The following SUGCT variants were observed in gnomAD, a reference collection of about 807,000 sequenced individuals.
SUGCT encodes succinyl-CoA:glutarate CoA-transferase.
In SUGCT, 41 loss-of-function variants were observed where a neutral mutation model predicts 55.0. That is an observed-to-expected ratio of 0.74 (90% CI 0.58 to 0.97). SUGCT has a LOEUF of 0.97. Among genes scored for constraint, SUGCT ranks in the 50% least tolerant of loss-of-function variants. SUGCT has a pLI of 0.00. For missense variants in SUGCT, 568 were observed against 547.8 expected (o/e 1.04, Z -0.37); for synonymous variants, 187 against 200.4 (o/e 0.93, Z 0.56).
At chr7:40,720,342 C>T (rs1020105714) in intron 12 of SUGCT, among the ~76,000 whole-genome samples, 14 of 152,202 alleles carry the variant, frequency 9.2e-5, no homozygotes, top group African/African-American at 2.9e-4. Context: ...ATAAAAATGC[C>T]GCATCTTGGA....
At chr7:40,958,218 G>A in the SUGCT span, among the ~76,000 whole-genome samples, 2 of 152,054 alleles carry the variant, frequency 1.3e-5, no homozygotes, top group Non-Finnish European at 1.5e-5. Flanking sequence ...GTCTTGCTAT[G>A]TTGGGGAGGT....
At chr7:40,165,008 G>C (rs1404303006) in intron 1 of SUGCT, among the ~76,000 whole-genome samples, 1 of 152,082 alleles carries the variant, frequency 6.6e-6, no homozygotes, top group Non-Finnish European at 1.5e-5. Context: ...AGCTTCTTCT[G>C]TGACTTCAGA....
the SUGCT span, among the ~76,000 whole-genome samples, chr7:41,011,911 G>T: frequency 1.4e-3 from 213 of 152,188 alleles, 3 homozygotes; most frequent in Non-Finnish European, 1.9e-4. Context: ...TTACACTGTG[G>T]CTTTAGAGCT....
Position 40,339,919 on chromosome 7 carries a change from T to C in SUGCT, c.816+23064T>C, listed in dbSNP as rs113501652. On this transcript the variant is annotated intron_variant, in intron 9 of 13. Transcript: ENST00000335693. ...TTTTTGCCCAGTGGCTCTTAAACTTTCTTGTTGCCTGTAATTCTTTTGAGG... is the reference window on the plus strand; with the variant it reads ...TTTTTGCCCAGTGGCTCTTAAACTTCCTTGTTGCCTGTAATTCTTTTGAGG... Among the ~76,000 whole-genome samples, 195 of 152,344 alleles carry C rather than the reference T, an allele frequency of 1.3e-3. No individual in the cohort carries two copies. In the Middle Eastern group the frequency reaches 0.017, roughly 13 times the overall value.
chr7:40,642,501 T>C (rs1800315627), intron 12 of SUGCT, among the ~76,000 whole-genome samples: 1 of 152,090 alleles, frequency 6.6e-6, no homozygotes, highest in East Asian at 1.9e-4. Context: ...ATGATATAAC[T>C]CCTGTGACAT....
chr7:40,942,887 G>A, the SUGCT span, among the ~76,000 whole-genome samples: 3 of 151,686 alleles, frequency 2.0e-5, no homozygotes, highest in Admixed American at 6.6e-5. Context: ...TTCCCTAAAT[G>A]TGTCTTTTAT....
At chr7:40,795,721 TA>T (rs1024690081) in intron 13 of SUGCT, among the ~76,000 whole-genome samples, 1 of 151,298 alleles carries the variant, frequency 6.6e-6, no homozygotes, top group South Asian at 2.1e-4. Context: ...GACAGAAAAC[TA>T]AAAAAAAACT....
intron 9 of SUGCT, among the ~76,000 whole-genome samples, chr7:40,335,748 C>T (rs1486742915): frequency 6.6e-6 from 1 of 152,100 alleles, no homozygotes; most frequent in Non-Finnish European, 1.5e-5. Context: ...TTTCTTTCTC[C>T]TCCCTGATTG....
At position 40,177,804 on chromosome 7, in the gene SUGCT, CA is replaced by C. The variant is rs369844338; in HGVS notation, c.101-3142del. Among the ~76,000 whole-genome samples the C allele has an allele frequency of 2.7e-3, 408 of 152,228 alleles. 2 individuals carry two copies. Among genetic ancestry groups the C allele is most frequent in the African/African-American group, 9.4e-3 (389 of 41,554 alleles). On this transcript the variant is annotated intron_variant, in intron 1 of 13. Coordinates refer to ENST00000335693, the MANE Select transcript of SUGCT (RefSeq NM_001193313.2). ...TCCCTGTGTTGCCCAGGCTGGAGTGCAGTGGTGTAATCTCGGCTCACTGCAA... is the reference window on the plus strand; with the variant it reads ...TCCCTGTGTTGCCCAGGCTGGAGTGCGTGGTGTAATCTCGGCTCACTGCAA...
intron 9 of SUGCT, among the ~76,000 whole-genome samples, chr7:40,428,261 T>A (rs1787700326): frequency 6.6e-6 from 1 of 152,206 alleles, no homozygotes; most frequent in South Asian, 2.1e-4. Flanking sequence ...CCTATGTGTG[T>A]CCTTAAATTT....
chr7:41,020,327 G>A, the SUGCT span, among the ~76,000 whole-genome samples: 1 of 152,168 alleles, frequency 6.6e-6, no homozygotes, highest in Non-Finnish European at 1.5e-5. Flanking sequence ...GCAAGAGAAC[G>A]CATTTTCTAC....
the SUGCT span, among the ~76,000 whole-genome samples, chr7:40,913,468 A>G: frequency 6.6e-6 from 1 of 152,224 alleles, no homozygotes; most frequent in Admixed American, 6.5e-5. Flanking sequence ...ATGAAAATTC[A>G]ATTTCAAGAT....
chr7:40,597,003 C>T (rs866879693), intron 12 of SUGCT, among the ~76,000 whole-genome samples: 3 of 152,040 alleles, frequency 2.0e-5, no homozygotes, highest in African/African-American at 7.2e-5. Flanking sequence ...CCAGTGGATG[C>T]GAAATGACTA....
intron 12 of SUGCT, among the ~76,000 whole-genome samples, chr7:40,533,687 A>ATT (rs1794209055): frequency 6.6e-6 from 1 of 152,144 alleles, no homozygotes; most frequent in Non-Finnish European, 1.5e-5. Context: ...GAAAAATAGT[A>ATT]TTACCTACTT....
intron 13 of SUGCT, among the ~76,000 whole-genome samples, chr7:40,785,918 T>C (rs1427702232): frequency 6.6e-6 from 1 of 152,090 alleles, no homozygotes; most frequent in African/African-American, 2.4e-5. Flanking sequence ...TGAGACCTTG[T>C]CACCAAAAAA....
intron 13 of SUGCT, among the ~76,000 whole-genome samples, chr7:40,788,526 T>C (rs940615283): frequency 2.0e-5 from 3 of 151,978 alleles, no homozygotes; most frequent in East Asian, 3.9e-4. Flanking sequence ...AACAAGAAAA[T>C]AGAACATCTC....
the SUGCT span, among the ~76,000 whole-genome samples, chr7:40,896,071 C>T: frequency 4.6e-5 from 7 of 152,020 alleles, no homozygotes; most frequent in East Asian, 1.9e-4. Flanking sequence ...TTGCAAGTGA[C>T]ATGATTTATA....
chr7:40,648,517 C>A (rs562611033), intron 12 of SUGCT, among the ~76,000 whole-genome samples: 1 of 152,308 alleles, frequency 6.6e-6, no homozygotes, highest in Admixed American at 6.5e-5. Flanking sequence ...TAACCCCTGG[C>A]ACCTGTGTCT....
At chr7:40,540,317 G>A (rs911999693) in intron 12 of SUGCT, among the ~76,000 whole-genome samples, 2 of 152,230 alleles carry the variant, frequency 1.3e-5, no homozygotes, top group African/African-American at 4.8e-5. Context: ...GCTCTGTAAG[G>A]TAAGGACCAT....
Sources: gnomAD v4.1 joint callset for allele counts (sites outside exome capture counted in the v4.1 genomes callset) on GRCh38, gnomAD v4.1.1 for gene constraint, MANE v1.5 for transcripts, NCBI Gene and HGNC (gene_info 2026-07-23, HGNC 2026-07-21) for gene names.